CDK5RAP2: variants seen among roughly 807,000 people sequenced by gnomAD.
CDK5RAP2 encodes CDK5 regulatory subunit associated protein 2, also known as CDK5 regulatory subunit-associated protein 2.
CDK5RAP2 carries 147 observed loss-of-function variants against 232.9 expected under a neutral mutation model. The ratio of observed to expected loss-of-function variants is 0.63; its 90% CI spans 0.55 to 0.72. The LOEUF is 0.72. Ranked by LOEUF, CDK5RAP2 falls within the 30% of genes least tolerant of loss-of-function variation. The probability of loss-of-function intolerance (pLI) is 0.00; values close to 1 mark genes in which losing one functional copy is unlikely to be tolerated. For missense variants in CDK5RAP2, 2,195 were observed against 2,231.5 expected (o/e 0.98, Z 0.33); for synonymous variants, 833 against 833.7 (o/e 1.00, Z 0.01).
Position 120,409,324 on chromosome 9 carries a change from C to A in CDK5RAP2, c.4415-8G>T. 1 of 1,573,242 alleles carries A rather than the reference C, an allele frequency of 6.4e-7. No individual in the cohort carries two copies. The highest frequency in any genetic ancestry group is 8.6e-7 in the Non-Finnish European group (1 of 1,159,040). On this transcript the variant is annotated splice_region_variant and splice_polypyrimidine_tract_variant and intron_variant, in intron 29 of 37. Transcript: ENST00000349780. ...CATTCTCCTTCTGTTTATCTGCAAA[C>A]ATAAAAAGGTGCCACTGAGAAGGGC...
intron 23 of CDK5RAP2, among the ~76,000 whole-genome samples, chr9:120,440,586 T>A (rs2035843305): frequency 6.6e-6 from 1 of 152,236 alleles, no homozygotes; most frequent in African/African-American, 2.4e-5. Context: ...TGCATATTAC[T>A]CAAGACAAAT....
At chr9:120,573,064 A>G (rs1414570150) in intron 1 of CDK5RAP2, among the ~76,000 whole-genome samples, 1 of 152,240 alleles carries the variant, frequency 6.6e-6, no homozygotes, top group African/African-American at 2.4e-5. Context: ...ACTGTAAAGT[A>G]GGAGTTGATG....
At chr9:120,495,187 GTC>G (rs2039125068) in intron 12 of CDK5RAP2, among the ~76,000 whole-genome samples, 155 of 43,250 alleles carry the variant, frequency 3.6e-3, no homozygotes, top group Middle Eastern at 0.011. Context: ...AGTGAGGAGT[GTC>G]TCTGCCTGGC....
intron 27 of CDK5RAP2, 35 bp downstream of exon 27, chr9:120,419,753 G>A: frequency 6.6e-7 from 1 of 1,511,248 alleles, no homozygotes; most frequent in Non-Finnish European, 9.2e-7. Flanking sequence ...TTTTAATCAG[G>A]CCATGTTTAA....
Position 120,443,726 on chromosome 9 carries a change from T to C in CDK5RAP2, c.3042A>G (p.Gly1014=). 1 of 1,613,906 alleles carries C rather than the reference T, an allele frequency of 6.2e-7. No homozygotes were observed. The highest frequency in any genetic ancestry group is 2.2e-5 in the East Asian group (1 of 44,868). Residue 1014 remains glycine, a synonymous_variant, in exon 23 of 38, where the codon GGA becomes GGG. Coordinates refer to ENST00000349780, the MANE Select transcript of CDK5RAP2 (RefSeq NM_018249.6). The stretch of plus-strand genomic sequence containing the variant: ...CTCCTGGGCTGTCCTGGTAGGCTGC[T>C]CCCACAGGGGGCTGAGCTACAGGCA... ...KTLLNAQPPV[G]AAYQDSPGEQ...
intron 22 of CDK5RAP2, 102 bp from the exon 23 acceptor site, chr9:120,443,844 A>T: frequency 6.6e-7 from 1 of 1,511,528 alleles, no homozygotes; most frequent in Non-Finnish European, 9.0e-7. Flanking sequence ...GGGAAAATAA[A>T]AACACTGGGG....
intron 13 of CDK5RAP2, among the ~76,000 whole-genome samples, chr9:120,488,570 A>G (rs537021163): frequency 4.6e-5 from 7 of 152,276 alleles, no homozygotes; most frequent in Non-Finnish European, 7.4e-5. Context: ...CCATGTTTCT[A>G]TATTACATTC....
At chr9:120,510,984 C>T (rs1331646714) in intron 12 of CDK5RAP2, among the ~76,000 whole-genome samples, 2 of 152,220 alleles carry the variant, frequency 1.3e-5, no homozygotes, top group African/African-American at 2.4e-5. Context: ...AATTACAACA[C>T]ATGCTGAGTC....
At chr9:120,395,385 T>A (rs185982773) in intron 35 of CDK5RAP2, among the ~76,000 whole-genome samples, 1 of 152,364 alleles carries the variant, frequency 6.6e-6, no homozygotes, top group Non-Finnish European at 1.5e-5. Flanking sequence ...AAAGATCATA[T>A]AAAAGTATTA....
Position 120,550,858 on chromosome 9 carries a change from G to A in CDK5RAP2, c.240C>T (p.Arg80=). The A allele has an allele frequency of 1.2e-6, 2 of 1,613,408 alleles. No homozygotes were observed. The highest frequency in any genetic ancestry group is 1.7e-5 in the Admixed American group (1 of 60,026). The change falls in exon 4 of 38, where the codon CGC becomes CGT. Residue 80 remains arginine (R), a synonymous_variant. Transcript: ENST00000349780. The stretch of plus-strand genomic sequence containing the variant: ...GCATTCTTTCCTCAAGGAAATAGAT[G>A]CGGAGCTTTAGGTTAAAGTTTTCTT... ...LKKENFNLKL[R]IYFLEERMQQ...
At chr9:120,415,969 A>G (rs368437428) in intron 27 of CDK5RAP2, among the ~76,000 whole-genome samples, 2 of 152,338 alleles carry the variant, frequency 1.3e-5, no homozygotes, top group South Asian at 4.1e-4. Flanking sequence ...TGAAGACTAT[A>G]TATCATAAAA....
chr9:120,413,925 G>GT (rs2034043111), intron 28 of CDK5RAP2, among the ~76,000 whole-genome samples: 2 of 152,172 alleles, frequency 1.3e-5, no homozygotes, highest in Admixed American at 1.3e-4. Context: ...TGGGAAAGAT[G>GT]TCCCTCCCGG....
At chr9:120,565,576 T>A (rs907905706) in intron 3 of CDK5RAP2, among the ~76,000 whole-genome samples, 3 of 152,008 alleles carry the variant, frequency 2.0e-5, no homozygotes, top group African/African-American at 7.3e-5. Context: ...TTCTCTCCAC[T>A]CCCCTCACAC....
intron 3 of CDK5RAP2, among the ~76,000 whole-genome samples, chr9:120,562,535 C>A (rs368960941): frequency 1.3e-5 from 2 of 152,230 alleles, no homozygotes; most frequent in East Asian, 3.9e-4. Context: ...CTCGCTCTGC[C>A]AGCTACAGAC....
At chr9:120,524,724 A>G (rs2040823827) in intron 11 of CDK5RAP2, among the ~76,000 whole-genome samples, 1 of 152,104 alleles carries the variant, frequency 6.6e-6, no homozygotes, top group Non-Finnish European at 1.5e-5. Flanking sequence ...TAATCCACAT[A>G]TCTTGCATTA....
At chr9:120,409,665 T>C (rs1300594205) in intron 29 of CDK5RAP2, among the ~76,000 whole-genome samples, 1 of 152,274 alleles carries the variant, frequency 6.6e-6, no homozygotes, top group African/African-American at 2.4e-5. Flanking sequence ...GCAGGCCTTC[T>C]ACCAGCCTAG....
chr9:120,413,830 A>AGGAGGGAG (rs111878508), intron 28 of CDK5RAP2, among the ~76,000 whole-genome samples: 4 of 93,234 alleles, frequency 4.3e-5, no homozygotes, highest in Non-Finnish European at 6.3e-5. Flanking sequence ...GGGAGGAGGG[A>AGGAGGGAG]GGAGGGAGGA....
chr9:120,400,945 G>A, intron 34 of CDK5RAP2, 60 bp from the exon 35 acceptor site: 2 of 1,583,968 alleles, frequency 1.3e-6, no homozygotes, highest in South Asian at 1.1e-5. Context: ...AGACAAGCAA[G>A]CCTTAACATG....
At chr9:120,527,329 T>G (rs541502735) in intron 10 of CDK5RAP2, among the ~76,000 whole-genome samples, 1 of 152,162 alleles carries the variant, frequency 6.6e-6, no homozygotes, top group African/African-American at 2.4e-5. Flanking sequence ...TTCAAAAGAT[T>G]AGACCTGCAT....
Sources: gnomAD v4.1 joint callset for allele counts (sites outside exome capture counted in the v4.1 genomes callset) on GRCh38, gnomAD v4.1.1 for gene constraint, MANE v1.5 for transcripts, NCBI Gene and HGNC (gene_info 2026-07-23, HGNC 2026-07-21) for gene names.